The following MTUS2 variants were observed in gnomAD, a reference collection of about 807,000 sequenced individuals.
The protein encoded by MTUS2 is microtubule-associated tumor suppressor candidate 2.
In MTUS2, 40 loss-of-function variants were observed where a neutral mutation model predicts 114.1. The observed-to-expected ratio is 0.35, with a 90% CI of 0.27 to 0.46. MTUS2 has a LOEUF of 0.46. Among genes scored for constraint, MTUS2 ranks in the 20% least tolerant of loss-of-function variants. The probability of loss-of-function intolerance (pLI) is 1.00; values close to 1 mark genes in which losing one functional copy is unlikely to be tolerated. For missense variants in MTUS2, 1,679 were observed against 1,705.4 expected, an observed-to-expected ratio of 0.98 and a Z score of 0.27; for synonymous variants, 688 against 672.0, an observed-to-expected ratio of 1.02 and a Z score of -0.37.
At chr13:29,264,303 C>T (rs1157548771) in intron 5 of MTUS2, among the ~76,000 whole-genome samples, 1 of 152,230 alleles carries the variant, frequency 6.6e-6, no homozygotes, top group Non-Finnish European at 1.5e-5. Context: ...TGTGGCTTTG[C>T]AGGGTTTAGT....
At chr13:29,039,357 G>C (rs1308169181) in intron 4 of MTUS2, among the ~76,000 whole-genome samples, 1 of 152,224 alleles carries the variant, frequency 6.6e-6, no homozygotes, top group Non-Finnish European at 1.5e-5. Context: ...GTGACCATTG[G>C]AATCAGGACG....
intron 2 of MTUS2, among the ~76,000 whole-genome samples, chr13:28,942,376 G>A (rs1882289023): frequency 6.6e-6 from 1 of 152,184 alleles, no homozygotes; most frequent in South Asian, 2.1e-4. Flanking sequence ...ATACTCTATT[G>A]ATGGAATGTG....
intron 5 of MTUS2, among the ~76,000 whole-genome samples, chr13:29,120,460 A>G (rs1353444967): frequency 6.6e-6 from 1 of 152,092 alleles, no homozygotes; most frequent in Non-Finnish European, 1.5e-5. Flanking sequence ...ATTAAAATAT[A>G]TAATAAAAGA....
In MTUS2 at chr13:28,975,937, A is replaced by G. The variant is rs75597870; in HGVS notation, c.-242-48520A>G. On this transcript the variant is annotated intron_variant, in intron 2 of 15. Transcript: ENST00000612955. ...GATGAAAAATTCCACTGTGACAAGCAAGGGAGGACTGAGGTGGGCACAGGC... is the reference window on the plus strand; with the variant it reads ...GATGAAAAATTCCACTGTGACAAGCGAGGGAGGACTGAGGTGGGCACAGGC... Among the ~76,000 whole-genome samples, 554 of 152,294 alleles carry G rather than the reference A, an allele frequency of 3.6e-3. 5 individuals are homozygous for G. In the Middle Eastern group the frequency reaches 0.054, roughly 15 times the overall value.
At chr13:29,110,823 C>A (rs1188466362) in intron 5 of MTUS2, among the ~76,000 whole-genome samples, 1 of 152,006 alleles carries the variant, frequency 6.6e-6, no homozygotes, top group African/African-American at 2.4e-5. Context: ...TTTATAAGTG[C>A]CATATTCTAG....
intron 2 of MTUS2, among the ~76,000 whole-genome samples, chr13:28,968,551 A>G (rs1434419248): frequency 4.6e-5 from 7 of 152,100 alleles, no homozygotes; most frequent in South Asian, 2.1e-4. Context: ...TGGGATTTCA[A>G]CTTAACAGGT....
intron 6 of MTUS2, among the ~76,000 whole-genome samples, chr13:29,312,943 TCA>T (rs1899834206): frequency 6.6e-6 from 1 of 152,214 alleles, no homozygotes; most frequent in South Asian, 2.1e-4. Flanking sequence ...TGTCAGGAAT[TCA>T]CCTAATCTCA....
intron 5 of MTUS2, among the ~76,000 whole-genome samples, chr13:29,129,773 T>C (rs1474582185): frequency 6.6e-6 from 1 of 152,164 alleles, no homozygotes; most frequent in African/African-American, 2.4e-5. Context: ...AGGGGCAGCC[T>C]TGGTACTTCA....
At chr13:29,219,129 C>A (rs866348297) in intron 5 of MTUS2, among the ~76,000 whole-genome samples, 1 of 121,854 alleles carries the variant, frequency 8.2e-6, no homozygotes, top group African/African-American at 3.1e-5. Flanking sequence ...CCCCTCCCCC[C>A]ACCCCACCAC....
At chr13:29,376,701 C>T (rs1382164249) in intron 8 of MTUS2, among the ~76,000 whole-genome samples, 1 of 152,108 alleles carries the variant, frequency 6.6e-6, no homozygotes, top group Admixed American at 6.5e-5. Flanking sequence ...TAGCTGCTTT[C>T]TCACAACAGC....
chr13:29,210,498 A>T (rs571287889), intron 5 of MTUS2, among the ~76,000 whole-genome samples: 4 of 152,012 alleles, frequency 2.6e-5, no homozygotes, highest in African/African-American at 9.7e-5. Flanking sequence ...GTGTTAAAAA[A>T]TCTTGTTTTG....
At chr13:28,897,700 C>T (rs1879364697) in intron 2 of MTUS2, among the ~76,000 whole-genome samples, 2 of 152,232 alleles carry the variant, frequency 1.3e-5, no homozygotes, top group South Asian at 2.1e-4. Context: ...GGCACATATA[C>T]ACCATGGAAT....
At chr13:29,050,003 G>A (rs190878501) in intron 4 of MTUS2, among the ~76,000 whole-genome samples, 11 of 152,168 alleles carry the variant, frequency 7.2e-5, no homozygotes, top group African/African-American at 2.6e-4. Flanking sequence ...CATGGAACCC[G>A]GCTCTAGCCC....
At chr13:29,135,060 A>T (rs978970636) in intron 5 of MTUS2, among the ~76,000 whole-genome samples, 9 of 152,236 alleles carry the variant, frequency 5.9e-5, no homozygotes, top group African/African-American at 2.2e-4. Context: ...GGTTTTAATT[A>T]TTGTATGCCC....
chr13:29,347,622 G>A (rs9579352), intron 7 of MTUS2, among the ~76,000 whole-genome samples: 40,897 of 151,520 alleles, frequency 0.27, 6,186 homozygotes, highest in African/African-American at 0.42. Context: ...CTCTGTGGAC[G>A]CCACCTGAGT....
chr13:29,126,078 A>G (rs1260811531), intron 5 of MTUS2, among the ~76,000 whole-genome samples: 1 of 152,202 alleles, frequency 6.6e-6, no homozygotes, highest in African/African-American at 2.4e-5. Flanking sequence ...GAGGAGAGGA[A>G]TATAGCTATG....
intron 6 of MTUS2, among the ~76,000 whole-genome samples, chr13:29,303,211 A>G (rs1042101443): frequency 6.6e-6 from 1 of 152,248 alleles, no homozygotes. Flanking sequence ...AATCAATGCA[A>G]AAATGCTGAA....
intron 2 of MTUS2, among the ~76,000 whole-genome samples, chr13:28,866,569 A>G (rs1340316233): frequency 1.3e-5 from 2 of 152,216 alleles, no homozygotes; most frequent in African/African-American, 2.4e-5. Flanking sequence ...TTCAGAAGTT[A>G]TTCTGAAATG....
At chr13:29,228,800 T>A (rs964299275) in intron 5 of MTUS2, among the ~76,000 whole-genome samples, 22 of 152,146 alleles carry the variant, frequency 1.4e-4, no homozygotes, top group African/African-American at 5.3e-4. Flanking sequence ...ATTAGACGTG[T>A]GATATATGTA....
Sources: gnomAD v4.1 joint callset for allele counts (sites outside exome capture counted in the v4.1 genomes callset) on GRCh38, gnomAD v4.1.1 for gene constraint, MANE v1.5 for transcripts, NCBI Gene and HGNC (gene_info 2026-07-23, HGNC 2026-07-21) for gene names.